Variants in CFAP70 observed in about 807,000 individuals in gnomAD.
CFAP70 encodes cilia and flagella associated protein 70, also known as cilia- and flagella-associated protein 70.
CFAP70 carries 81 observed loss-of-function variants against 137.6 expected under a neutral mutation model. The observed-to-expected ratio is 0.59, with a 90% CI of 0.49 to 0.71. The LOEUF (loss-of-function observed/expected upper bound fraction) is 0.71. CFAP70 is among the 30% of genes least tolerant of loss of function. CFAP70 has a pLI of 0.00. For missense variants in CFAP70, 976 were observed against 1,226.7 expected (o/e 0.80, Z 3.05); for synonymous variants, 382 against 423.6 (o/e 0.90, Z 1.20).
chr10:73,325,361 G>A (rs7097623), intron 8 of CFAP70, among the ~76,000 whole-genome samples: 16,044 of 152,032 alleles, frequency 0.11, 1,210 homozygotes, highest in East Asian at 0.3. Context: ...AGGAACAACC[G>A]GTACCAGCCG....
chr10:73,311,733 G>A, intron 11 of CFAP70, 101 bp downstream of exon 12: 2 of 960,094 alleles, frequency 2.1e-6, no homozygotes, highest in South Asian at 1.4e-5. Flanking sequence ...AATATGGAAT[G>A]ATAACTAACA....
intron 15 of CFAP70, chr10:73,293,902 AAGGT>A (rs1238370627): frequency 1.3e-5 from 2 of 152,224 alleles, no homozygotes; most frequent in Non-Finnish European, 2.9e-5. Context: ...AGGAAACAAA[AAGGT>A]AGGAGGAAAA....
chr10:73,319,800 T>C (rs1305966553), intron 9 of CFAP70, among the ~76,000 whole-genome samples: 2 of 152,216 alleles, frequency 1.3e-5, no homozygotes, highest in African/African-American at 4.8e-5. Context: ...TTTTAAAGAA[T>C]TGTTGAACTT....
Position 73,341,597 on chromosome 10 carries a change from C to G in CFAP70, c.400-16G>C, listed in dbSNP as rs761030015. ...GATAGTCCTTCTACAGAAATAGATA[C>G]CATATGTCAGGAAAATTTGTAAAGG... On this transcript the variant is annotated splice_polypyrimidine_tract_variant and intron_variant, in intron 5 of 26. Transcript: ENST00000310715. The G allele has an allele frequency of 1.3e-6, 2 of 1,599,404 alleles. No homozygotes were observed. The highest frequency in any genetic ancestry group is 3.7e-5 in the Admixed American group (2 of 54,766).
chr10:73,275,837 A>T lies in CFAP70; in HGVS notation c.2521-239T>A, dbSNP rs145929942. ...CCAAGTGAATAACTTGCAATATTGT[A>T]CAATTCTGGTCTTGCTGGTCATCAT... On this transcript the variant is annotated intron_variant, in intron 21 of 26. Coordinates refer to ENST00000310715, the Ensembl canonical transcript of CFAP70. This position sits in a 1 kb window ranked among gnomAD's most constrained non-coding sequence, Gnocchi z 4.0. 2.8e-6 allele frequency: 1 copy of T among 354,654 alleles called. No homozygotes were observed. The highest frequency in any genetic ancestry group is 2.1e-5 in the African/African-American group (1 of 46,822). 22.0% of individuals were successfully genotyped at this position (354,654 alleles called of 1,614,324 possible).
intron 16 of CFAP70, among the ~76,000 whole-genome samples, chr10:73,292,768 G>A (rs1485264372): frequency 1.3e-5 from 2 of 151,852 alleles, no homozygotes; most frequent in Non-Finnish European, 2.9e-5. Flanking sequence ...CTCCTAATCT[G>A]TACTTTTCCT....
chr10:73,353,260 C>A (rs2054417372), intron 3 of CFAP70, among the ~76,000 whole-genome samples: 1 of 152,096 alleles, frequency 6.6e-6, no homozygotes. Context: ...TCTATTCCCC[C>A]ATCAACAACA....
intron 26 of CFAP70, 97 bp downstream of exon 27, chr10:73,256,272 T>C (rs999121231): frequency 1.7e-5 from 24 of 1,385,166 alleles, no homozygotes; most frequent in Non-Finnish European, 2.1e-5. Flanking sequence ...TAGAAAAATA[T>C]TCACATTATG....
At chr10:73,269,698 C>T (rs749655950) in exon 25 of CFAP70, 24 of 1,612,702 alleles carry the variant, frequency 1.5e-5, no homozygotes, top group Non-Finnish European at 2.0e-5. Flanking sequence ...CATCCTCAGC[C>T]TCTGTGAGCT....
chr10:73,317,966 G>A (rs768106435), intron 9 of CFAP70, among the ~76,000 whole-genome samples: 2 of 152,058 alleles, frequency 1.3e-5, no homozygotes, highest in Non-Finnish European at 2.9e-5. Flanking sequence ...AAGTAATCTG[G>A]CACCGCTCTC....
chr10:73,308,598 A>G (rs1589429199), intron 12 of CFAP70, among the ~76,000 whole-genome samples: 1 of 148,286 alleles, frequency 6.7e-6, no homozygotes, highest in African/African-American at 2.5e-5. Flanking sequence ...ATTGCACTCC[A>G]GCTTGGGCAA....
intron 6 of CFAP70, among the ~76,000 whole-genome samples, chr10:73,339,261 G>A (rs1175872457): frequency 6.6e-6 from 1 of 152,096 alleles, no homozygotes; most frequent in East Asian, 1.9e-4. Context: ...CAGTCCTTCT[G>A]AAGTCTGACT....
upstream of CFAP70, among the ~76,000 whole-genome samples, chr10:73,361,293 CTTTT>C (rs577780984): frequency 5.5e-5 from 7 of 128,376 alleles, no homozygotes; most frequent in South Asian, 5.1e-4. Context: ...CATGCCCGGC[CTTTT>C]TTTTTTTTTT....
intron 25 of CFAP70, among the ~76,000 whole-genome samples, chr10:73,264,311 A>ATGTGCT (rs1163595982): frequency 1.3e-5 from 2 of 152,188 alleles, no homozygotes; most frequent in Non-Finnish European, 2.9e-5. Context: ...TGAGCATTAG[A>ATGTGCT]TGTGCTTATG....
At chr10:73,327,561 G>A (rs942543450) in intron 8 of CFAP70, among the ~76,000 whole-genome samples, 18 of 151,986 alleles carry the variant, frequency 1.2e-4, no homozygotes, top group Non-Finnish European at 1.2e-4. Context: ...CCTGTTTGCA[G>A]ATGACATGAT....
At chr10:73,299,513 T>G in intron 13 of CFAP70, 92 bp downstream of exon 14, 5 of 1,079,202 alleles carry the variant, frequency 4.6e-6, no homozygotes, top group Non-Finnish European at 7.0e-6. Flanking sequence ...TTTCACCCCT[T>G]CTGGAAGACA....
intron 19 of CFAP70, among the ~76,000 whole-genome samples, chr10:73,284,027 TG>T (rs2047458006): frequency 6.6e-6 from 1 of 152,254 alleles, no homozygotes; most frequent in Non-Finnish European, 1.5e-5. Flanking sequence ...ACAAGCTTAG[TG>T]GCTTAAAACA....
At chr10:73,277,131 AT>A in intron 21 of CFAP70, 108 bp downstream of exon 22, 2 of 1,368,098 alleles carry the variant, frequency 1.5e-6, no homozygotes, top group African/African-American at 2.9e-5. Flanking sequence ...TCAAAAGCAT[AT>A]TTGATTTCTG....
intron 19 of CFAP70, among the ~76,000 whole-genome samples, chr10:73,278,829 AAGTT>A (rs1020456877): frequency 6.6e-6 from 1 of 151,880 alleles, no homozygotes; most frequent in African/African-American, 2.4e-5. Flanking sequence ...AAAATACAAA[AAGTT>A]AGCCGGGCAC....
Sources: allele counts gnomAD v4.1 joint callset (sites outside exome capture counted in the v4.1 genomes callset), GRCh38; gene constraint gnomAD v4.1.1; non-coding constraint Gnocchi (gnomAD v3.1); transcripts MANE v1.5; gene names NCBI Gene and HGNC (gene_info 2026-07-23, HGNC 2026-07-21).